UBXN7: variants seen among roughly 807,000 people sequenced by gnomAD.
UBXN7 encodes UBX domain protein 7.
In UBXN7, 9 loss-of-function variants were observed where a neutral mutation model predicts 58.0. The observed-to-expected ratio is 0.16, with a 90% CI of 0.09 to 0.27. The LOEUF is 0.27. Ranked by LOEUF, UBXN7 falls within the 10% of genes least tolerant of loss-of-function variation. UBXN7 has a pLI of 1.00. For missense variants in UBXN7, 328 were observed against 599.6 expected, an observed-to-expected ratio of 0.55 and a Z score of 4.73; for synonymous variants, 208 against 205.0, an observed-to-expected ratio of 1.01 and a Z score of -0.12.
At chr3:196,411,890 C>T (rs990624873) in intron 1 of UBXN7, among the ~76,000 whole-genome samples, 2 of 152,076 alleles carry the variant, frequency 1.3e-5, no homozygotes, top group Non-Finnish European at 2.9e-5. Context: ...ATTTAAGGTG[C>T]AAATGAAAAC....
chr3:196,391,740 G>C, intron 5 of UBXN7, 73 bp downstream of exon 5: 1 of 1,171,660 alleles, frequency 8.5e-7, no homozygotes, highest in African/African-American at 1.5e-5. Flanking sequence ...TCTAAAACAA[G>C]TAATTTTTTA....
Position 196,372,687 on chromosome 3 carries a change from G to C in UBXN7, c.469-645C>G, listed in dbSNP as rs1380859525. On this transcript the variant is annotated intron_variant, in intron 5 of 10. Coordinates refer to ENST00000296328, the MANE Select transcript of UBXN7 (RefSeq NM_015562.2). ...TGTTTAAACATCTTTACCTGAAAAG[G>C]ATTCAACAAACTTAAGATCAACAAG... Among the ~76,000 whole-genome samples the C allele has an allele frequency of 1.6e-4, 25 of 151,704 alleles. 1 individual carries two copies.
chr3:196,417,206 G>A (rs1170041905), intron 1 of UBXN7, among the ~76,000 whole-genome samples: 6 of 152,074 alleles, frequency 3.9e-5, no homozygotes, highest in Non-Finnish European at 4.4e-5. Context: ...CCAGCTGCTG[G>A]GGAGGCTGAG....
At chr3:196,429,676 C>T (rs1313108432) in intron 1 of UBXN7, among the ~76,000 whole-genome samples, 1 of 152,012 alleles carries the variant, frequency 6.6e-6, no homozygotes, top group Admixed American at 6.6e-5. Context: ...GTGGAGAGAA[C>T]CCCAAAAAAA....
chr3:196,378,005 T>C (rs997117746), intron 5 of UBXN7, among the ~76,000 whole-genome samples: 1 of 152,162 alleles, frequency 6.6e-6, no homozygotes, highest in African/African-American at 2.4e-5. Context: ...GCAACTACTA[T>C]AACTTGAAAT....
Position 196,375,040 on chromosome 3 carries a change from A to AAGGAAGGG in UBXN7, c.469-2999_469-2998insCCCTTCCT, listed in dbSNP as rs1356697769. On this transcript the variant is annotated intron_variant, in intron 5 of 10. Coordinates refer to ENST00000296328, the MANE Select transcript of UBXN7 (RefSeq NM_015562.2). The stretch of plus-strand genomic sequence containing the variant: ...GAAGGAAGGAAGGAAGGAAGGAAGG[A>AAGGAAGGG]AGGGAAAGGAAAGGAAAAAGGAGAG... 3.3e-3 allele frequency among the ~76,000 whole-genome samples: 440 copies of AAGGAAGGG among 135,198 alleles called. 5 individuals are homozygous for AAGGAAGGG. Among genetic ancestry groups the AAGGAAGGG allele is most frequent in the South Asian group, 5.2e-3 (19 of 3,632 alleles). 88.7% of individuals were successfully genotyped at this position (135,198 alleles called of 152,430 possible).
intron 10 of UBXN7, among the ~76,000 whole-genome samples, chr3:196,359,299 T>C (rs374334665): frequency 2.0e-5 from 3 of 152,188 alleles, no homozygotes; most frequent in African/African-American, 4.8e-5. Context: ...AAGAAGTATG[T>C]TCTGACTGCT....
At position 196,361,938 on chromosome 3, in the gene UBXN7, T is replaced by TAAA. The variant is rs368893517; in HGVS notation, c.1229-18_1229-16dup. The TAAA allele has an allele frequency of 2.2e-4, 316 of 1,419,900 alleles. No homozygotes were observed. Among genetic ancestry groups the TAAA allele is most frequent in the East Asian group, 5.0e-4 (21 of 42,424 alleles). 88.0% of individuals were successfully genotyped at this position (1,419,900 alleles called of 1,614,324 possible). Reference sequence around the variant, plus strand: ...TGCTTTTGGTCCTAAAGGAAGGGTTTAAAAAAAAAAAAAAAACGGGATACA... The same window carrying TAAA: ...TGCTTTTGGTCCTAAAGGAAGGGTTTAAAAAAAAAAAAAAAAAAACGGGATACA... On this transcript the variant is annotated splice_polypyrimidine_tract_variant and intron_variant, in intron 9 of 10. Coordinates refer to ENST00000296328, the MANE Select transcript of UBXN7 (RefSeq NM_015562.2).
chr3:196,375,640 T>C (rs2108836082), intron 5 of UBXN7, among the ~76,000 whole-genome samples: 1 of 152,214 alleles, frequency 6.6e-6, no homozygotes, highest in Admixed American at 6.5e-5. Context: ...TTGTTCTGAA[T>C]CAACATTTCA....
chr3:196,415,859 AG>A (rs976379735), intron 1 of UBXN7, among the ~76,000 whole-genome samples: 1 of 152,112 alleles, frequency 6.6e-6, no homozygotes, highest in Admixed American at 6.5e-5. Context: ...GGTTTCTTAC[AG>A]GAAGACTACT....
rs375498959 is a variant in UBXN7 at position 196,399,246 on chromosome 3, A to T, written c.289+3706T>A. ...GTACTCAAGGATCAGGATTTAATGA[A>T]ATTAATCATTTTTATTGCTTCATCA... On this transcript the variant is annotated intron_variant, in intron 3 of 10. Coordinates refer to ENST00000296328, the MANE Select transcript of UBXN7 (RefSeq NM_015562.2). 3.9e-5 allele frequency among the ~76,000 whole-genome samples: 6 copies of T among 152,356 alleles called. No homozygotes were observed. In the East Asian group the frequency reaches 1.2e-3, roughly 29 times the overall value.
chr3:196,424,228 T>C (rs1224868407), intron 1 of UBXN7, among the ~76,000 whole-genome samples: 1 of 151,974 alleles, frequency 6.6e-6, no homozygotes, highest in East Asian at 1.9e-4. Context: ...CTCTCCTGGT[T>C]TTCCTCCTAC....
At chr3:196,381,310 T>C (rs1729198752) in intron 5 of UBXN7, among the ~76,000 whole-genome samples, 1 of 152,356 alleles carries the variant, frequency 6.6e-6, no homozygotes, top group African/African-American at 2.4e-5. Flanking sequence ...ATATTTGCAG[T>C]TCTGCAGCTT....
intron 2 of UBXN7, among the ~76,000 whole-genome samples, chr3:196,405,017 G>A (rs1244174750): frequency 6.6e-6 from 1 of 152,102 alleles, no homozygotes; most frequent in East Asian, 1.9e-4. Flanking sequence ...AGTCAAGTGT[G>A]GTGGCATGCG....
chr3:196,360,477 T>A (rs1293508810), intron 10 of UBXN7, among the ~76,000 whole-genome samples: 1 of 152,174 alleles, frequency 6.6e-6, no homozygotes, highest in Non-Finnish European at 1.5e-5. Flanking sequence ...TCTGTCTGTG[T>A]TCTGTAACTG....
In UBXN7 at chr3:196,391,980, A is replaced by T; in HGVS notation, c.356-55T>A. 7.6e-5 allele frequency: 25 copies of T among 327,134 alleles called. No individual in the cohort carries two copies. In the East Asian group the frequency reaches 7.7e-4, roughly 10 times the overall value. The allele number at this position is 327,134 out of a possible 1,614,324, so 20.3% of individuals were successfully genotyped here. ...TAGCCATAATCATGAATCACACTGA[A>T]AAAAAAAAAAAAAAAAACACAAACT... On this transcript the variant is annotated intron_variant, in intron 4 of 10. Transcript: ENST00000296328.
intron 5 of UBXN7, among the ~76,000 whole-genome samples, chr3:196,376,950 T>G (rs1039503176): frequency 3.3e-5 from 5 of 151,264 alleles, no homozygotes; most frequent in Non-Finnish European, 7.4e-5. Context: ...GGGGACTAAG[T>G]TGGGCAGATC....
intron 5 of UBXN7, among the ~76,000 whole-genome samples, chr3:196,388,126 AGTT>A (rs1196490440): frequency 6.6e-6 from 1 of 152,058 alleles, no homozygotes; most frequent in Non-Finnish European, 1.5e-5. Context: ...AAAAAGGATG[AGTT>A]CATGTCCTTT....
At chr3:196,397,921 T>C (rs1390429401) in intron 3 of UBXN7, 1 of 152,216 alleles carries the variant, frequency 6.6e-6, no homozygotes, top group East Asian at 1.9e-4. Context: ...TACTGTTTCA[T>C]TAAAACCCAC....
Sources: allele counts gnomAD v4.1 joint callset (sites outside exome capture counted in the v4.1 genomes callset), GRCh38; gene constraint gnomAD v4.1.1; transcripts MANE v1.5; gene names NCBI Gene and HGNC (gene_info 2026-07-23, HGNC 2026-07-21).